CFAP299: variants seen among roughly 807,000 people sequenced by gnomAD.
CFAP299 encodes the protein cilia- and flagella-associated protein 299.
Under a neutral mutation model 27.0 loss-of-function variants are expected in CFAP299, and 21 were observed. That is an observed-to-expected ratio of 0.78 (90% CI 0.55 to 1.12). The LOEUF (loss-of-function observed/expected upper bound fraction) is 1.12. Ranked by LOEUF, CFAP299 falls within the 50% of genes most tolerant of loss-of-function variation. The pLI, the probability that CFAP299 is intolerant of heterozygous loss-of-function variation, is 0.00. For missense variants in CFAP299, 310 were observed against 276.6 expected, an observed-to-expected ratio of 1.12 and a Z score of -0.86; for synonymous variants, 104 against 98.1, an observed-to-expected ratio of 1.06 and a Z score of -0.36.
intron 3 of CFAP299, among the ~76,000 whole-genome samples, chr4:80,796,738 C>A (rs914551034): frequency 6.6e-6 from 1 of 152,154 alleles, no homozygotes; most frequent in African/African-American, 2.4e-5. Flanking sequence ...ACTCCTGCAT[C>A]TTTCAAGTCC....
chr4:80,672,820 G>T (rs544049873), intron 3 of CFAP299, among the ~76,000 whole-genome samples: 7 of 152,008 alleles, frequency 4.6e-5, no homozygotes, highest in Non-Finnish European at 1.0e-4. Flanking sequence ...TCTGAAGGCA[G>T]TTTGTATTTC....
chr4:80,477,018 T>C (rs1423009540), intron 2 of CFAP299, among the ~76,000 whole-genome samples: 1 of 151,986 alleles, frequency 6.6e-6, no homozygotes, highest in Non-Finnish European at 1.5e-5. Context: ...TTGAAAATCA[T>C]GTCTTTAGAC....
At chr4:80,477,983 T>C (rs775888414) in intron 2 of CFAP299, among the ~76,000 whole-genome samples, 2 of 152,190 alleles carry the variant, frequency 1.3e-5, no homozygotes, top group Non-Finnish European at 2.9e-5. Context: ...TGGACCTTAG[T>C]GATTCTGCAA....
intron 3 of CFAP299, among the ~76,000 whole-genome samples, chr4:80,775,073 A>T (rs1040891665): frequency 3.7e-5 from 5 of 133,732 alleles, no homozygotes; most frequent in African/African-American, 1.7e-4. Flanking sequence ...TAAAAAAATA[A>T]AAAAAAAAGA....
chr4:80,589,982 C>A (rs927869014), intron 3 of CFAP299, among the ~76,000 whole-genome samples: 8 of 151,956 alleles, frequency 5.3e-5, no homozygotes, highest in Non-Finnish European at 1.0e-4. Flanking sequence ...AATTACAAGC[C>A]TGTAATTATC....
At chr4:80,697,744 G>A (rs1159891548) in intron 3 of CFAP299, among the ~76,000 whole-genome samples, 6 of 152,138 alleles carry the variant, frequency 3.9e-5, no homozygotes, top group African/African-American at 1.4e-4. Context: ...GGTAAGATTT[G>A]TGGCTGCTGC....
chr4:80,487,818 C>T (rs1310829437), intron 2 of CFAP299, among the ~76,000 whole-genome samples: 4 of 152,096 alleles, frequency 2.6e-5, no homozygotes, highest in Non-Finnish European at 5.9e-5. Flanking sequence ...GGGAGATGGC[C>T]AGCAAAGAGC....
In CFAP299 at chr4:80,645,326, C is replaced by T. The variant is rs190607919; in HGVS notation, c.333+62143C>T. ...GAGAATCATAGATTTTAGAGGTATA[C>T]AGCACCAAGCTCTACCTACCTTCTT... On this transcript the variant is annotated intron_variant, in intron 3 of 5. Transcript: ENST00000358105. Among the ~76,000 whole-genome samples the T allele has an allele frequency of 2.6e-5, 4 of 151,704 alleles. No individual in the cohort carries two copies. The East Asian group carries it at 7.8e-4, about 30-fold the overall frequency.
chr4:80,451,033 A>G (rs183330616), intron 2 of CFAP299, among the ~76,000 whole-genome samples: 126 of 152,108 alleles, frequency 8.3e-4, no homozygotes, highest in South Asian at 1.7e-3. Flanking sequence ...TGTTGAGTGA[A>G]TAAGGGTGGT....
intron 2 of CFAP299, among the ~76,000 whole-genome samples, chr4:80,574,847 T>C (rs963103166): frequency 6.6e-6 from 1 of 152,160 alleles, no homozygotes; most frequent in African/African-American, 2.4e-5. Context: ...CATATGTTGT[T>C]GAATTCAGTT....
chr4:80,679,969 C>T (rs1305022238), intron 3 of CFAP299, among the ~76,000 whole-genome samples: 1 of 151,936 alleles, frequency 6.6e-6, no homozygotes, highest in Non-Finnish European at 1.5e-5. Flanking sequence ...ATGGGAACAC[C>T]CCACATGTCA....
chr4:80,390,537 GTATACACACATATATGTATATATGTATA>G, intron 2 of CFAP299, among the ~76,000 whole-genome samples: 1 of 39,508 alleles, frequency 2.5e-5, no homozygotes, highest in African/African-American at 4.5e-5. Flanking sequence ...ATGTATATAT[GTATACACACATATATGTATATATGTATA>G]TATGTATACA....
chr4:80,916,296 T>TATATATATATATATA (rs1578236267), intron 4 of CFAP299, among the ~76,000 whole-genome samples: 191 of 130,614 alleles, frequency 1.5e-3, no homozygotes, highest in Middle Eastern at 4.1e-3. Flanking sequence ...TATATATATA[T>TATATATATATATATA]TTCAGGTACA....
intron 1 of CFAP299, among the ~76,000 whole-genome samples, chr4:80,347,738 A>G (rs764002400): frequency 2.0e-4 from 30 of 152,240 alleles, no homozygotes; most frequent in Non-Finnish European, 1.5e-5. Flanking sequence ...TGCTATTCCC[A>G]TTAAGCTACC....
intron 1 of CFAP299, 68 bp from the exon 2 acceptor site, chr4:80,362,686 T>C: frequency 6.7e-7 from 1 of 1,488,856 alleles, no homozygotes; most frequent in Non-Finnish European, 8.9e-7. Flanking sequence ...AGATGTAAGA[T>C]ATAAGTAAGT....
intron 2 of CFAP299, among the ~76,000 whole-genome samples, chr4:80,391,937 A>T (rs894165215): frequency 2.0e-5 from 3 of 152,244 alleles, no homozygotes; most frequent in African/African-American, 7.2e-5. Flanking sequence ...ATGGGAGCCC[A>T]TCTCTTGCAT....
At chr4:80,729,588 G>A (rs988434869) in intron 3 of CFAP299, among the ~76,000 whole-genome samples, 6 of 139,716 alleles carry the variant, frequency 4.3e-5, no homozygotes, top group African/African-American at 1.3e-4. Context: ...TGATGCTTCA[G>A]CATCTTTTTT....
chr4:80,614,633 C>A (rs1191948462), intron 3 of CFAP299, among the ~76,000 whole-genome samples: 2 of 152,178 alleles, frequency 1.3e-5, no homozygotes, highest in Non-Finnish European at 2.9e-5. Flanking sequence ...AATTAGAAGA[C>A]TTGGGACAAT....
intron 3 of CFAP299, among the ~76,000 whole-genome samples, chr4:80,599,029 C>T (rs992507793): frequency 1.3e-5 from 2 of 152,170 alleles, no homozygotes; most frequent in African/African-American, 2.4e-5. Flanking sequence ...CTAGCCACCT[C>T]CAACTATGTG....
Sources: allele counts gnomAD v4.1 joint callset (sites outside exome capture counted in the v4.1 genomes callset), GRCh38; gene constraint gnomAD v4.1.1; transcripts MANE v1.5; gene names NCBI Gene and HGNC (gene_info 2026-07-23, HGNC 2026-07-21).